The following PAICS variants were observed in gnomAD, a reference collection of about 807,000 sequenced individuals.
PAICS encodes the protein bifunctional phosphoribosylaminoimidazole carboxylase/phosphoribosylaminoimidazole succinocarboxamide synthetase.
In PAICS, 33 loss-of-function variants were observed where a neutral mutation model predicts 53.7. That is an observed-to-expected ratio of 0.61 (90% confidence interval 0.47 to 0.82). PAICS has a LOEUF of 0.82. Ranked by LOEUF, PAICS falls within the 40% of genes least tolerant of loss-of-function variation. The pLI is 0.00. For synonymous variants in PAICS, 141 were observed against 167.2 expected, an observed-to-expected ratio of 0.84 and a Z score of 1.21; for missense variants, 394 against 494.1, an observed-to-expected ratio of 0.80 and a Z score of 1.92.
intron 2 of PAICS, among the ~76,000 whole-genome samples, chr4:56,443,285 G>A (rs1424859815): frequency 1.3e-5 from 2 of 152,174 alleles, no homozygotes; most frequent in South Asian, 2.1e-4. Flanking sequence ...GGGTTCAAGC[G>A]ATTCTCATGC....
chr4:56,436,044 C>A, upstream of PAICS: 2 of 1,515,270 alleles, frequency 1.3e-6, no homozygotes, highest in Middle Eastern at 2.1e-4. Flanking sequence ...CCGGGCACTG[C>A]GCCAGCGCGG....
chr4:56,435,482 C>A (rs375080631), upstream of PAICS: 6 of 1,613,236 alleles, frequency 3.7e-6, no homozygotes, highest in African/African-American at 8.0e-5. Context: ...CTCCATGTCG[C>A]CGCCGAAAGC....
intron 1 of PAICS, among the ~76,000 whole-genome samples, chr4:56,439,951 A>G (rs1265541826): frequency 6.6e-6 from 1 of 152,206 alleles, no homozygotes; most frequent in Non-Finnish European, 1.5e-5. Context: ...AGTTACTGCA[A>G]CAGCATCCTA....
At chr4:56,413,857 A>C in the PAICS span, among the ~76,000 whole-genome samples, 3 of 152,180 alleles carry the variant, frequency 2.0e-5, no homozygotes, top group Admixed American at 6.5e-5. Flanking sequence ...AGATCACACC[A>C]CTGCACTCCA....
chr4:56,434,553 G>A (rs959306884), upstream of PAICS, among the ~76,000 whole-genome samples: 1 of 152,130 alleles, frequency 6.6e-6, no homozygotes, highest in Non-Finnish European at 1.5e-5. Context: ...AACTCGAAAG[G>A]ATCTCCCAAT....
rs980320214 is a variant in PAICS, at chr4:56,462,749, C to T, written c.*3211C>T. The stretch of plus-strand genomic sequence containing the variant: ...GGCATGGTAGCTCATGCCTGTAATC[C>T]CAGCACTTTGGGTGGCCGAGGCAGG... On this transcript the variant is annotated 3_prime_UTR_variant, in exon 9 of 9. Transcript: ENST00000512576. The T allele has an allele frequency of 1.3e-5, 2 of 152,050 alleles. No homozygotes were observed. Among genetic ancestry groups the T allele is most frequent in the African/African-American group, 4.8e-5 (2 of 41,364 alleles). The allele number at this position is 152,050 out of a possible 1,614,324, so 9.4% of individuals were successfully genotyped here.
chr4:56,435,952 T>C, upstream of PAICS: 1 of 1,507,124 alleles, frequency 6.6e-7, no homozygotes, highest in South Asian at 1.1e-5. Flanking sequence ...TCTGAGTCGC[T>C]CCCGCAGCCG....
chr4:56,411,251 G>GA, the PAICS span, among the ~76,000 whole-genome samples: 2 of 152,122 alleles, frequency 1.3e-5, no homozygotes, highest in African/African-American at 2.4e-5. Context: ...TAAATAAGGG[G>GA]AAAAATATCA....
chr4:56,441,596 A>G, intron 1 of PAICS, 67 bp from the exon 2 acceptor site: 1 of 622,116 alleles, frequency 1.6e-6, no homozygotes, highest in South Asian at 3.1e-5. Context: ...TAATTGTTCT[A>G]GGTGATTTAG....
At chr4:56,458,988 G>C (rs1719363466) in intron 8 of PAICS, among the ~76,000 whole-genome samples, 2 of 152,174 alleles carry the variant, frequency 1.3e-5, no homozygotes, top group African/African-American at 4.8e-5. Context: ...GCTCAAGTTT[G>C]TCTAAGAACA....
In PAICS at chr4:56,450,603, C is replaced by A. The variant is rs531565024; in HGVS notation, c.688-16C>A. The A allele has an allele frequency of 9.6e-5, 130 of 1,359,112 alleles. No homozygotes were observed. The South Asian group carries it at 1.6e-3, about 17-fold the overall frequency. 84.2% of individuals were successfully genotyped at this position (1,359,112 alleles called of 1,614,324 possible). A position where few individuals can be genotyped will look rare whatever the true frequency, so the allele number is the denominator to read the frequency against. On this transcript the variant is annotated splice_polypyrimidine_tract_variant and intron_variant, in intron 5 of 8. Transcript: ENST00000512576. ...AAGAGATACTTGTTTTCTAAACTTTCTATCTTATTTTCTAGTCTTATCGGG... is the reference window on the plus strand; with the variant it reads ...AAGAGATACTTGTTTTCTAAACTTTATATCTTATTTTCTAGTCTTATCGGG...
chr4:56,428,751 T>C, the PAICS span, among the ~76,000 whole-genome samples: 66 of 152,300 alleles, frequency 4.3e-4, 1 homozygote, highest in African/African-American at 1.6e-3. Flanking sequence ...TAAAAATAGG[T>C]ACCTAATTTA....
chr4:56,440,440 CT>C (rs1718277147), intron 1 of PAICS, among the ~76,000 whole-genome samples: 1 of 152,126 alleles, frequency 6.6e-6, no homozygotes, highest in Admixed American at 6.6e-5. Context: ...GATGTGGCCC[CT>C]GTCCAACTCT....
chr4:56,464,222 GAACA>G lies in PAICS; in HGVS notation c.*4687_*4690del, dbSNP rs1185775279. 1 of 152,044 alleles carries G rather than the reference GAACA, an allele frequency of 6.6e-6. No homozygotes were observed. The highest frequency in any genetic ancestry group is 1.9e-4 in the East Asian group (1 of 5,174). 9.4% of individuals were successfully genotyped at this position (152,044 alleles called of 1,614,324 possible). A position where few individuals can be genotyped will look rare whatever the true frequency, so the allele number is the denominator to read the frequency against. On this transcript the variant is annotated 3_prime_UTR_variant, in exon 9 of 9. Transcript: ENST00000512576. ...TCCTATTGGTTCTGTATTTTTTAGA[GAACA>G]AATACAGCCTATTATGTATATATAA...
the PAICS span, chr4:56,419,765 A>G: frequency 2.0e-5 from 20 of 985,064 alleles, no homozygotes; most frequent in Non-Finnish European, 2.4e-5. Context: ...TAGAGGGAAC[A>G]GTGAGAAATA....
the PAICS span, chr4:56,421,822 A>T: frequency 6.9e-6 from 1 of 145,322 alleles, no homozygotes; most frequent in African/African-American, 2.6e-5. Context: ...GCAGCTAAAG[A>T]TGATTCCATT....
intron 1 of PAICS, among the ~76,000 whole-genome samples, chr4:56,441,196 G>A (rs373255658): frequency 2.0e-5 from 3 of 152,078 alleles, no homozygotes; most frequent in African/African-American, 7.2e-5. Context: ...AGCAAAAATC[G>A]CATATTTTTT....
intron 1 of PAICS, among the ~76,000 whole-genome samples, chr4:56,440,409 T>C (rs1718274940): frequency 6.6e-6 from 1 of 152,202 alleles, no homozygotes; most frequent in Non-Finnish European, 1.5e-5. Context: ...CTTTGTTTAA[T>C]GGTTACCTCC....
At chr4:56,422,579 C>A in the PAICS span, 1 of 151,350 alleles carries the variant, frequency 6.6e-6, no homozygotes, top group African/African-American at 2.4e-5. Flanking sequence ...GTGTTCCTCC[C>A]ACCAATATTC....
Sources: allele counts gnomAD v4.1 joint callset (sites outside exome capture counted in the v4.1 genomes callset), GRCh38; gene constraint gnomAD v4.1.1; transcripts MANE v1.5; gene names NCBI Gene and HGNC (gene_info 2026-07-23, HGNC 2026-07-21).